Variants in PLXDC2 observed in about 807,000 individuals in gnomAD.
PLXDC2 encodes plexin domain-containing protein 2.
In PLXDC2, 40 loss-of-function variants were observed where a neutral mutation model predicts 68.9. That is an observed-to-expected ratio of 0.58 (90% CI 0.45 to 0.76). The LOEUF is 0.76. PLXDC2 is among the 30% of genes least tolerant of loss of function. The pLI is 0.00. For synonymous variants in PLXDC2, 243 were observed against 234.2 expected (o/e 1.04, Z -0.34); for missense variants, 644 against 661.9 (o/e 0.97, Z 0.30).
intron 12 of PLXDC2, 32 bp downstream of exon 12, chr10:20,219,134 C>A: frequency 6.3e-7 from 1 of 1,576,532 alleles, no homozygotes. Context: ...TCATAAACAT[C>A]TTTTAAATAT....
At chr10:20,189,501 A>ATATG (rs1834732732) in intron 9 of PLXDC2, among the ~76,000 whole-genome samples, 1 of 124,250 alleles carries the variant, frequency 8.0e-6, no homozygotes, top group Non-Finnish European at 1.7e-5. Flanking sequence ...ATATATATAT[A>ATATG]TATACACATA....
chr10:19,871,677 C>G (rs76643358), intron 1 of PLXDC2, among the ~76,000 whole-genome samples: 1 of 151,854 alleles, frequency 6.6e-6, no homozygotes, highest in Non-Finnish European at 1.5e-5. Flanking sequence ...GTCAGGAGTA[C>G]GAGACTAGCC....
At chr10:20,073,514 T>C (rs1174174494) in intron 4 of PLXDC2, among the ~76,000 whole-genome samples, 1 of 152,224 alleles carries the variant, frequency 6.6e-6, no homozygotes, top group Non-Finnish European at 1.5e-5. Context: ...CATCTGGTCA[T>C]TTATAAACTA....
intron 1 of PLXDC2, among the ~76,000 whole-genome samples, chr10:19,987,247 G>A (rs1834656804): frequency 6.6e-6 from 1 of 152,126 alleles, no homozygotes; most frequent in Admixed American, 6.5e-5. Context: ...TTTCCAGAGA[G>A]GTTCCCTCTG....
intron 13 of PLXDC2, among the ~76,000 whole-genome samples, chr10:20,251,348 A>G (rs951903826): frequency 6.6e-6 from 1 of 152,198 alleles, no homozygotes; most frequent in Non-Finnish European, 1.5e-5. Flanking sequence ...TTTTAAAAAA[A>G]TGAAATTTAT....
At chr10:19,835,344 G>T (rs563783769) in intron 1 of PLXDC2, among the ~76,000 whole-genome samples, 4 of 152,306 alleles carry the variant, frequency 2.6e-5, no homozygotes, top group East Asian at 3.9e-4. Context: ...AGCACTACTG[G>T]ATCAATAAAG....
At chr10:20,014,382 GCTTCCTTCCTTC>G (rs539488828) in intron 2 of PLXDC2, among the ~76,000 whole-genome samples, 9,237 of 79,226 alleles carry the variant, frequency 0.12, 443 homozygotes, top group Non-Finnish European at 0.16. Context: ...TTCCTTCCTT[GCTTCCTTCCTTC>G]CTTCCTTCCT....
intron 4 of PLXDC2, among the ~76,000 whole-genome samples, chr10:20,090,840 T>C (rs571320228): frequency 6.6e-6 from 1 of 152,302 alleles, no homozygotes; most frequent in South Asian, 2.1e-4. Context: ...TAATATTAAT[T>C]TAAAAAGCAT....
intron 9 of PLXDC2, 148 bp downstream of exon 9, chr10:20,177,557 G>T: frequency 3.2e-6 from 1 of 308,052 alleles, no homozygotes; most frequent in South Asian, 1.1e-4. Context: ...TTGAACCCAG[G>T]AGTTCAAGAT....
At chr10:20,242,932 A>G (rs1810551108) in intron 12 of PLXDC2, among the ~76,000 whole-genome samples, 1 of 152,012 alleles carries the variant, frequency 6.6e-6, no homozygotes, top group African/African-American at 2.4e-5. Flanking sequence ...GGCTGGTCTC[A>G]AACTCCTGAC....
intron 12 of PLXDC2, among the ~76,000 whole-genome samples, chr10:20,232,553 T>A (rs1425163394): frequency 6.6e-6 from 1 of 151,994 alleles, no homozygotes; most frequent in Non-Finnish European, 1.5e-5. Context: ...AGAAAAAAAA[T>A]ATGAACTACT....
At chr10:20,005,565 G>A (rs1835013365) in intron 2 of PLXDC2, among the ~76,000 whole-genome samples, 1 of 152,242 alleles carries the variant, frequency 6.6e-6, no homozygotes, top group African/African-American at 2.4e-5. Flanking sequence ...AGGAAGCATG[G>A]CTCCAGCATC....
intron 2 of PLXDC2, among the ~76,000 whole-genome samples, chr10:20,028,350 C>T (rs1164690276): frequency 1.3e-5 from 2 of 152,042 alleles, no homozygotes; most frequent in African/African-American, 4.8e-5. Context: ...CGTGGTGTGT[C>T]CCACTTTAAG....
intron 9 of PLXDC2, among the ~76,000 whole-genome samples, chr10:20,186,389 T>G (rs1834682820): frequency 6.6e-6 from 1 of 151,902 alleles, no homozygotes; most frequent in Admixed American, 6.6e-5. Flanking sequence ...TACATGAGAT[T>G]CTTTCTCTAG....
chr10:19,890,038 A>G (rs1837922821), intron 1 of PLXDC2, among the ~76,000 whole-genome samples: 1 of 152,062 alleles, frequency 6.6e-6, no homozygotes. Context: ...TCCTTCATTC[A>G]TTTGTTCATG....
intron 9 of PLXDC2, among the ~76,000 whole-genome samples, chr10:20,206,746 C>T (rs998700330): frequency 1.3e-5 from 2 of 152,040 alleles, no homozygotes; most frequent in African/African-American, 4.8e-5. Context: ...GGACAGGCAT[C>T]TCAGGTAATT....
chr10:20,180,764 T>G (rs1834592770), intron 9 of PLXDC2, among the ~76,000 whole-genome samples: 1 of 152,122 alleles, frequency 6.6e-6, no homozygotes, highest in Non-Finnish European at 1.5e-5. Flanking sequence ...TCCCAAGCTC[T>G]GAGAGAATTT....
At chr10:19,879,658 A>C (rs1221444247) in intron 1 of PLXDC2, among the ~76,000 whole-genome samples, 1 of 152,220 alleles carries the variant, frequency 6.6e-6, no homozygotes, top group Non-Finnish European at 1.5e-5. Flanking sequence ...TGAACAAGAA[A>C]ATGCAGTAAA....
chr10:20,043,507 A>C (rs1242681319), intron 2 of PLXDC2: 2 of 152,172 alleles, frequency 1.3e-5, no homozygotes, highest in South Asian at 2.1e-4. Flanking sequence ...GATTAAGGAA[A>C]ATGCCAAGGT....
Sources: gnomAD v4.1 joint callset for allele counts (sites outside exome capture counted in the v4.1 genomes callset) on GRCh38, gnomAD v4.1.1 for gene constraint, MANE v1.5 for transcripts, NCBI Gene and HGNC (gene_info 2026-07-23, HGNC 2026-07-21) for gene names.